GPC6: variants seen among roughly 807,000 people sequenced by gnomAD.
GPC6 encodes the protein glypican-6.
In GPC6, 14 loss-of-function variants were observed where a neutral mutation model predicts 55.2. That is an observed-to-expected ratio of 0.25 (90% CI 0.17 to 0.40). GPC6 has a LOEUF of 0.40. GPC6 is among the 10% of genes least tolerant of loss of function. The probability of loss-of-function intolerance (pLI) is 1.00; values close to 1 mark genes in which losing one functional copy is unlikely to be tolerated. For synonymous variants in GPC6, 278 were observed against 259.6 expected, an observed-to-expected ratio of 1.07 and a Z score of -0.68; for missense variants, 641 against 708.5, an observed-to-expected ratio of 0.90 and a Z score of 1.08.
chr13:94,307,968 G>A (rs1476719416), intron 6 of GPC6, among the ~76,000 whole-genome samples: 2 of 152,010 alleles, frequency 1.3e-5, no homozygotes, highest in Non-Finnish European at 2.9e-5. Flanking sequence ...ACTACATTGT[G>A]CCTGCAGCTA....
chr13:93,354,406 A>G (rs991860283), intron 1 of GPC6, among the ~76,000 whole-genome samples: 1 of 133,912 alleles, frequency 7.5e-6, no homozygotes, highest in Non-Finnish European at 1.5e-5. Flanking sequence ...GTTGGAGTGC[A>G]GTGGCGCGAT....
At chr13:93,363,934 T>G (rs1881144537) in intron 1 of GPC6, among the ~76,000 whole-genome samples, 1 of 152,092 alleles carries the variant, frequency 6.6e-6, no homozygotes, top group Non-Finnish European at 1.5e-5. Context: ...AAATGTCTTC[T>G]TTTGAGAAGT....
intron 2 of GPC6, among the ~76,000 whole-genome samples, chr13:93,804,882 C>T (rs2389048): frequency 0.37 from 56,947 of 151,992 alleles, 11,505 homozygotes; most frequent in African/African-American, 0.52. Flanking sequence ...AACTAGAGAA[C>T]AGAAAGGGTC....
intron 3 of GPC6, among the ~76,000 whole-genome samples, chr13:93,995,045 A>C (rs951536042): frequency 6.6e-6 from 1 of 152,144 alleles, no homozygotes; most frequent in Admixed American, 6.6e-5. Context: ...CATGAGGTTG[A>C]TATAATTTTT....
At chr13:94,351,975 A>G (rs546812951) in intron 6 of GPC6, among the ~76,000 whole-genome samples, 32 of 150,154 alleles carry the variant, frequency 2.1e-4, no homozygotes, top group African/African-American at 7.5e-4. Context: ...AAAAAAAAAA[A>G]AAAAAAAGAA....
In GPC6 at chr13:94,371,192, G is replaced by A. The variant is rs114847938; in HGVS notation, c.1153-11222G>A. ...GTCCCTAAGATAATTGAGAAATGGCGATCCCTGTACGGACTGATTGAAATA... is the reference window on the plus strand; with the variant it reads ...GTCCCTAAGATAATTGAGAAATGGCAATCCCTGTACGGACTGATTGAAATA... On this transcript the variant is annotated intron_variant, in intron 6 of 8. Transcript: ENST00000377047. Among the ~76,000 whole-genome samples, 235 of 152,204 alleles carry A rather than the reference G, an allele frequency of 1.5e-3. 1 individual carries two copies. The highest frequency in any genetic ancestry group is 5.3e-3 in the African/African-American group (219 of 41,546).
intron 4 of GPC6, among the ~76,000 whole-genome samples, chr13:94,092,648 G>A (rs1885531296): frequency 6.6e-6 from 1 of 152,038 alleles, no homozygotes. Flanking sequence ...TATAGACCTA[G>A]AACCGGGATT....
chr13:93,455,577 C>A (rs1046509320), intron 1 of GPC6, among the ~76,000 whole-genome samples: 3 of 151,886 alleles, frequency 2.0e-5, no homozygotes, highest in African/African-American at 7.3e-5. Context: ...ACTCAAAAAT[C>A]AAGAGCCAGG....
At chr13:93,974,669 T>C (rs908525670) in intron 3 of GPC6, among the ~76,000 whole-genome samples, 1 of 152,186 alleles carries the variant, frequency 6.6e-6, no homozygotes, top group African/African-American at 2.4e-5. Flanking sequence ...AATAGAGGTA[T>C]ATTTTTACTC....
chr13:94,079,743 G>A (rs770371823), intron 4 of GPC6, among the ~76,000 whole-genome samples: 1 of 152,104 alleles, frequency 6.6e-6, no homozygotes, highest in African/African-American at 2.4e-5. Context: ...TGTAAAATCT[G>A]TCTCCATCAT....
intron 2 of GPC6, among the ~76,000 whole-genome samples, chr13:93,671,095 G>A (rs1241152075): frequency 1.3e-5 from 2 of 152,094 alleles, no homozygotes; most frequent in African/African-American, 4.8e-5. Flanking sequence ...ATTTGCCAAA[G>A]TCTGTGCCAT....
intron 1 of GPC6, among the ~76,000 whole-genome samples, chr13:93,442,401 C>T (rs1177780674): frequency 1.3e-5 from 2 of 152,150 alleles, no homozygotes; most frequent in Non-Finnish European, 2.9e-5. Flanking sequence ...ATTTATCAAA[C>T]TCTGTGTGTT....
chr13:93,464,384 A>G (rs1331121353), intron 1 of GPC6, among the ~76,000 whole-genome samples: 1 of 152,218 alleles, frequency 6.6e-6, no homozygotes, highest in Non-Finnish European at 1.5e-5. Context: ...AGTGAAGTCA[A>G]TTCTTTCAGA....
At chr13:93,712,856 A>C (rs2138811034) in intron 2 of GPC6, among the ~76,000 whole-genome samples, 1 of 151,750 alleles carries the variant, frequency 6.6e-6, no homozygotes, top group South Asian at 2.1e-4. Context: ...TATTAGGACA[A>C]GACTGCTAAT....
chr13:93,891,733 G>A (rs922939532), intron 3 of GPC6, among the ~76,000 whole-genome samples: 22 of 151,902 alleles, frequency 1.4e-4, no homozygotes, highest in African/African-American at 5.1e-4. Flanking sequence ...GTGTGTGTGT[G>A]TATGTATACA....
chr13:94,083,284 A>C (rs1379281149), intron 4 of GPC6, among the ~76,000 whole-genome samples: 4 of 151,814 alleles, frequency 2.6e-5, no homozygotes, highest in Admixed American at 2.6e-4. Flanking sequence ...ACACCCGTCT[A>C]ATTTTTTGTA....
At chr13:94,292,073 G>A (rs1875010499) in intron 5 of GPC6, among the ~76,000 whole-genome samples, 1 of 152,150 alleles carries the variant, frequency 6.6e-6, no homozygotes, top group Non-Finnish European at 1.5e-5. Context: ...ACAATACTAA[G>A]TGTTTTACAT....
intron 8 of GPC6, among the ~76,000 whole-genome samples, chr13:94,401,407 T>A (rs573583788): frequency 7.9e-5 from 12 of 152,178 alleles, no homozygotes; most frequent in Non-Finnish European, 1.3e-4. Flanking sequence ...CAGGTTTGAG[T>A]GACAGGATTT....
intron 4 of GPC6, among the ~76,000 whole-genome samples, chr13:94,278,819 G>A (rs1392771633): frequency 6.6e-6 from 1 of 152,156 alleles, no homozygotes; most frequent in African/African-American, 2.4e-5. Context: ...TTTTTGATGT[G>A]CTACTGAATT....
Sources: allele counts gnomAD v4.1 joint callset (sites outside exome capture counted in the v4.1 genomes callset), GRCh38; gene constraint gnomAD v4.1.1; transcripts MANE v1.5; gene names NCBI Gene and HGNC (gene_info 2026-07-23, HGNC 2026-07-21).